Variants in CSMD1 observed in about 807,000 individuals in gnomAD.
CSMD1 encodes CUB and Sushi multiple domains 1.
Under a neutral mutation model 417.5 loss-of-function variants are expected in CSMD1, and 213 were observed. The ratio of observed to expected loss-of-function variants is 0.51; its 90% CI spans 0.46 to 0.57. The LOEUF (loss-of-function observed/expected upper bound fraction) is 0.57. Among genes scored for constraint, CSMD1 ranks in the 20% least tolerant of loss-of-function variants. The pLI is 0.00. For missense variants in CSMD1, 6,923 were observed against 4,529.7 expected (o/e 1.53, Z -15.17); for synonymous variants, 2,862 against 1,736.8 (o/e 1.65, Z -16.11).
intron 1 of CSMD1, among the ~76,000 whole-genome samples, chr8:4,727,242 T>G (rs570866050): frequency 6.6e-6 from 1 of 152,124 alleles, no homozygotes; most frequent in Non-Finnish European, 1.5e-5. Flanking sequence ...ACCCAAGCAT[T>G]TCTGTTTTCA....
intron 6 of CSMD1, among the ~76,000 whole-genome samples, chr8:3,747,152 C>G (rs1328935652): frequency 6.6e-6 from 1 of 152,200 alleles, no homozygotes; most frequent in African/African-American, 2.4e-5. Context: ...GCACAGCAGC[C>G]TGTACTCACA....
chr8:4,438,593 T>A (rs80048870), intron 2 of CSMD1, among the ~76,000 whole-genome samples: 4 of 152,144 alleles, frequency 2.6e-5, no homozygotes, highest in Non-Finnish European at 5.9e-5. Context: ...CACAGTCACA[T>A]TGTGCTGAAT....
intron 3 of CSMD1, among the ~76,000 whole-genome samples, chr8:4,192,804 C>A (rs7000451): frequency 0.028 from 4,274 of 152,290 alleles, 220 homozygotes; most frequent in African/African-American, 0.097. Flanking sequence ...AACACAACCT[C>A]CTCACTCATT....
chr8:3,001,791 A>G (rs992989758), intron 52 of CSMD1, among the ~76,000 whole-genome samples: 12 of 152,212 alleles, frequency 7.9e-5, no homozygotes, highest in African/African-American at 2.7e-4. Context: ...TATTTCCCCA[A>G]CAGGGAACAC....
At chr8:3,847,365 T>A (rs1803577820) in intron 5 of CSMD1, among the ~76,000 whole-genome samples, 1 of 152,086 alleles carries the variant, frequency 6.6e-6, no homozygotes, top group African/African-American at 2.4e-5. Context: ...GAAGCAGAAG[T>A]GGTCCCCTCC....
chr8:4,006,931 G>A (rs747254961), intron 4 of CSMD1, among the ~76,000 whole-genome samples: 2 of 147,474 alleles, frequency 1.4e-5, no homozygotes, highest in Admixed American at 6.9e-5. Context: ...GGGTTCAAGC[G>A]ATTCTCCTGC....
intron 1 of CSMD1, among the ~76,000 whole-genome samples, chr8:4,738,435 C>T (rs1810382614): frequency 6.6e-6 from 1 of 152,052 alleles, no homozygotes; most frequent in Non-Finnish European, 1.5e-5. Context: ...GGGGGAAAAG[C>T]CCCTTATAAA....
chr8:3,448,954 G>C (rs1270023596), intron 12 of CSMD1, among the ~76,000 whole-genome samples: 1 of 152,174 alleles, frequency 6.6e-6, no homozygotes, highest in Non-Finnish European at 1.5e-5. Flanking sequence ...TAGGAAAGAA[G>C]GTGACAGCCA....
intron 12 of CSMD1, among the ~76,000 whole-genome samples, chr8:3,468,170 T>A (rs910544446): frequency 1.3e-5 from 2 of 152,214 alleles, no homozygotes; most frequent in Non-Finnish European, 2.9e-5. Context: ...ATTAATGGGA[T>A]CTTTTTCACA....
chr8:3,857,907 T>C (rs971425059), intron 5 of CSMD1, among the ~76,000 whole-genome samples: 30 of 152,364 alleles, frequency 2.0e-4, no homozygotes, highest in African/African-American at 4.3e-4. Flanking sequence ...GTCCTTAAAA[T>C]TGACCAGGCT....
intron 3 of CSMD1, among the ~76,000 whole-genome samples, chr8:4,290,084 T>C (rs1333339344): frequency 6.6e-6 from 1 of 152,192 alleles, no homozygotes; most frequent in African/African-American, 2.4e-5. Context: ...TTTTTTATAG[T>C]GGCATACAGA....
intron 11 of CSMD1, among the ~76,000 whole-genome samples, chr8:3,489,302 G>C (rs1445941960): frequency 6.6e-6 from 1 of 152,182 alleles, no homozygotes; most frequent in Non-Finnish European, 1.5e-5. Flanking sequence ...GTTAGGCAGA[G>C]GCTACCCTAC....
intron 37 of CSMD1, among the ~76,000 whole-genome samples, chr8:3,174,427 T>C (rs1270835749): frequency 2.0e-5 from 3 of 152,118 alleles, no homozygotes; most frequent in Non-Finnish European, 4.4e-5. Flanking sequence ...CCCAAGAGGT[T>C]GAGACTGAAG....
intron 3 of CSMD1, among the ~76,000 whole-genome samples, chr8:4,356,467 C>A (rs1209961978): frequency 1.3e-5 from 2 of 152,098 alleles, no homozygotes; most frequent in East Asian, 1.9e-4. Flanking sequence ...GTAATGACTT[C>A]TTTTCCTCTG....
chr8:4,512,640 C>A (rs1224043878), intron 2 of CSMD1, among the ~76,000 whole-genome samples: 1 of 151,912 alleles, frequency 6.6e-6, no homozygotes, highest in Non-Finnish European at 1.5e-5. Flanking sequence ...TTTTTATATA[C>A]CGGCAATGAA....
intron 5 of CSMD1, among the ~76,000 whole-genome samples, chr8:3,806,566 A>T (rs1324924606): frequency 6.6e-6 from 1 of 152,204 alleles, no homozygotes; most frequent in Non-Finnish European, 1.5e-5. Context: ...TTATCATAGA[A>T]ATGTAAACTC....
intron 1 of CSMD1, among the ~76,000 whole-genome samples, chr8:4,707,184 G>C (rs1037710434): frequency 2.6e-5 from 4 of 152,166 alleles, no homozygotes; most frequent in Admixed American, 1.3e-4. Flanking sequence ...TTATTGAATA[G>C]TTATTGCACT....
At chr8:3,632,473 T>A (rs999879369) in intron 7 of CSMD1, among the ~76,000 whole-genome samples, 1 of 152,164 alleles carries the variant, frequency 6.6e-6, no homozygotes, top group African/African-American at 2.4e-5. Context: ...TACATATATC[T>A]CATTAACATG....
chr8:3,639,409 T>A (rs982958492), intron 7 of CSMD1, among the ~76,000 whole-genome samples: 6 of 152,198 alleles, frequency 3.9e-5, no homozygotes, highest in African/African-American at 1.4e-4. Context: ...CCAGAAATCA[T>A]TTCACCAACT....
Sources: gnomAD v4.1 joint callset for allele counts (sites outside exome capture counted in the v4.1 genomes callset) on GRCh38, gnomAD v4.1.1 for gene constraint, MANE v1.5 for transcripts, NCBI Gene and HGNC (gene_info 2026-07-23, HGNC 2026-07-21) for gene names.